Variants in GSK3A observed in about 807,000 individuals in gnomAD.
The protein encoded by GSK3A is glycogen synthase kinase-3 alpha.
Under a neutral mutation model 56.6 loss-of-function variants are expected in GSK3A, and 14 were observed. That is an observed-to-expected ratio of 0.25 (90% CI 0.16 to 0.39). The LOEUF is 0.39. Among genes scored for constraint, GSK3A ranks in the 10% least tolerant of loss-of-function variants. The probability of loss-of-function intolerance (pLI) is 1.00; values close to 1 mark genes in which losing one functional copy is unlikely to be tolerated. For synonymous variants in GSK3A, 301 were observed against 285.0 expected (o/e 1.06, Z -0.56); for missense variants, 450 against 656.0 (o/e 0.69, Z 3.43).
chr19:42,231,893 T>C (rs373328555), intron 10 of GSK3A, among the ~76,000 whole-genome samples, 164 bp downstream of exon 10: 135 of 152,310 alleles, frequency 8.9e-4, no homozygotes, highest in African/African-American at 3.1e-3. Flanking sequence ...TACGCAAGAA[T>C]ACCCTCTAAA....
At chr19:42,231,799 A>G (rs2036225701) in intron 10 of GSK3A, among the ~76,000 whole-genome samples, 1 of 151,452 alleles carries the variant, frequency 6.6e-6, no homozygotes, top group South Asian at 2.1e-4. Flanking sequence ...AAACTTGGGC[A>G]ACGAATTCAA....
chr19:42,235,218 T>C (rs996962329), intron 4 of GSK3A, among the ~76,000 whole-genome samples: 1 of 152,166 alleles, frequency 6.6e-6, no homozygotes, highest in Admixed American at 6.5e-5. Flanking sequence ...TCTCCAGCAC[T>C]GATGCTGGTC....
Position 42,230,768 on chromosome 19 carries a change from A to T in GSK3A, c.*26T>A. 6.6e-7 allele frequency: 1 copy of T among 1,521,724 alleles called. No individual in the cohort carries two copies. The highest frequency in any genetic ancestry group is 8.9e-7 in the Non-Finnish European group (1 of 1,118,942). The allele number at this position is 1,521,724 out of a possible 1,614,324, so 94.3% of individuals were successfully genotyped here. On this transcript the variant is annotated 3_prime_UTR_variant, in exon 11 of 11. Coordinates refer to ENST00000222330, the MANE Select transcript of GSK3A (RefSeq NM_019884.3). ...AGCCCCTCTTGGGGCTCCCAGATGGAAGTGGAAGGGTGCTTGGTGGGGCCC... is the reference window on the plus strand; with the variant it reads ...AGCCCCTCTTGGGGCTCCCAGATGGTAGTGGAAGGGTGCTTGGTGGGGCCC...
chr19:42,231,029 A>G (rs968634078), intron 10 of GSK3A, among the ~76,000 whole-genome samples, 162 bp from the exon 11 acceptor site: 1 of 152,234 alleles, frequency 6.6e-6, no homozygotes, highest in Non-Finnish European at 1.5e-5. Flanking sequence ...GGGCCACGAT[A>G]GTAACTGAGT....
chr19:42,230,668 G>C lies in GSK3A; in HGVS notation c.*126C>G. On this transcript the variant is annotated 3_prime_UTR_variant, in exon 11 of 11. Transcript: ENST00000222330. ...GGGAGGGACTGGAGGTGGGGACAGGGACTCATTTACCTCTGCCCTCTAGTC... is the reference window on the plus strand; with the variant it reads ...GGGAGGGACTGGAGGTGGGGACAGGCACTCATTTACCTCTGCCCTCTAGTC... 1 of 707,188 alleles carries C rather than the reference G, an allele frequency of 1.4e-6. No individual in the cohort carries two copies. Among genetic ancestry groups the C allele is most frequent in the South Asian group, 1.6e-5 (1 of 63,966 alleles). 43.8% of individuals were successfully genotyped at this position (707,188 alleles called of 1,614,324 possible). A position where few individuals can be genotyped will look rare whatever the true frequency, so the allele number is the denominator to read the frequency against.
In GSK3A at chr19:42,230,398, GA is replaced by G. The variant is rs570875500; in HGVS notation, c.*395del. 4.5e-5 allele frequency: 9 copies of G among 201,514 alleles called. No homozygotes were observed. The highest frequency in any genetic ancestry group is 8.2e-5 in the Non-Finnish European group (8 of 98,140). 12.5% of individuals were successfully genotyped at this position (201,514 alleles called of 1,614,324 possible). Reference sequence around the variant, plus strand: ...CGGTGCGAATCGACGTTTTCTTTAAGAAAAAAATTATAACAATCTATTTACA... The same window carrying G: ...CGGTGCGAATCGACGTTTTCTTTAAGAAAAAATTATAACAATCTATTTACA... On this transcript the variant is annotated 3_prime_UTR_variant, in exon 11 of 11. Coordinates refer to ENST00000222330, the MANE Select transcript of GSK3A (RefSeq NM_019884.3).
chr19:42,231,773 CAAA>C (rs771063456), intron 10 of GSK3A, among the ~76,000 whole-genome samples: 5 of 84,464 alleles, frequency 5.9e-5, no homozygotes, highest in Non-Finnish European at 1.0e-4. Flanking sequence ...CTCTATTGCA[CAAA>C]AAAAAAAAAA....
chr19:42,240,944 GC>G (rs2036287593), intron 1 of GSK3A: 1 of 152,000 alleles, frequency 6.6e-6, no homozygotes, highest in African/African-American at 2.4e-5. Context: ...AAACCTTGGT[GC>G]CATTCTTAGA....
At chr19:42,242,130 A>C in intron 1 of GSK3A, 53 bp downstream of exon 1, 3 of 1,282,244 alleles carry the variant, frequency 2.3e-6, no homozygotes, top group Non-Finnish European at 3.0e-6. Context: ...TGGATGTCTG[A>C]GGAGCTTTGG....
chr19:42,232,665 C>A lies in GSK3A; in HGVS notation c.1116G>T (p.Thr372=). The change falls in exon 9 of 11, where the codon ACG becomes ACT. Residue 372 remains threonine (T), a synonymous_variant. Coordinates refer to ENST00000222330, the MANE Select transcript of GSK3A (RefSeq NM_019884.3). The part of the protein sequence containing the change: ...HPWTKVFKSR[T]PPEAIALCSS... ...AGCAGAGCGCGATGGCCTCTGGCGG[C>A]GTTCGAGATTTGAACACCTGAGGGA... 1 of 1,582,472 alleles carries A rather than the reference C, an allele frequency of 6.3e-7. No individual in the cohort carries two copies. The highest frequency in any genetic ancestry group is 8.6e-7 in the Non-Finnish European group (1 of 1,161,320).
Position 42,233,223 on chromosome 19 carries a change from G to A in GSK3A, c.1003-18C>T. 1 of 1,597,024 alleles carries A rather than the reference G, an allele frequency of 6.3e-7. No individual in the cohort carries two copies. Among genetic ancestry groups the A allele is most frequent in the South Asian group, 1.1e-5 (1 of 89,388 alleles). On this transcript the variant is annotated intron_variant, in intron 7 of 10. Coordinates refer to ENST00000222330, the MANE Select transcript of GSK3A (RefSeq NM_019884.3). ...CCCAGCACCTGTAAAGAGAGGGAGG[G>A]GTCTGAGACAAGGGCCCCATCCCTC...
chr19:42,231,367 T>C (rs1441935245), intron 10 of GSK3A, among the ~76,000 whole-genome samples: 1 of 150,618 alleles, frequency 6.6e-6, no homozygotes, highest in Non-Finnish European at 1.5e-5. Flanking sequence ...CTAAAAAATA[T>C]AAAGGGCGCC....
intron 10 of GSK3A, among the ~76,000 whole-genome samples, chr19:42,231,072 G>A (rs553133309): frequency 1.2e-4 from 18 of 152,284 alleles, no homozygotes; most frequent in Admixed American, 2.0e-4. Context: ...CATATAAGGC[G>A]GTGGCTGGGC....
chr19:42,233,281 C>T lies in GSK3A; in HGVS notation c.1002+5G>A. On this transcript the variant is annotated splice_donor_5th_base_variant and intron_variant, in intron 7 of 10. Transcript: ENST00000222330. ...CCCCCTGCCCAGCCCAGCCCCGCCC[C>T]TCACCTTGATGATCTCCACCAGCTG... 6.3e-7 allele frequency: 1 copy of T among 1,576,846 alleles called. No individual in the cohort carries two copies.
At chr19:42,240,420 AG>A in intron 1 of GSK3A, 1 of 581,384 alleles carries the variant, frequency 1.7e-6, no homozygotes, top group Non-Finnish European at 3.1e-6. Context: ...TTCTACTTCT[AG>A]GAAGCAACAG....
rs553432785 is a variant in GSK3A, at chr19:42,232,831, C to T, written c.1099-149G>A. On this transcript the variant is annotated intron_variant, in intron 8 of 10. Transcript: ENST00000222330. ...AAATGAAGAAACTAAGGCCCAACCA[C>T]TAAGGAGAGGTCAGTTTGTATCGGG... 866 of 671,778 alleles carry T rather than the reference C, an allele frequency of 1.3e-3. 1 individual carries two copies. Among genetic ancestry groups the T allele is most frequent in the Non-Finnish European group, 2.0e-3 (800 of 408,624 alleles). The allele number at this position is 671,778 out of a possible 1,614,324, so 41.6% of individuals were successfully genotyped here.
Position 42,242,433 on chromosome 19 carries a change from AG to A in GSK3A, c.32del (p.Pro11LeufsTer81). The A allele has an allele frequency of 7.7e-7, 1 of 1,296,672 alleles. No homozygotes were observed. Among genetic ancestry groups the A allele is most frequent in the Admixed American group, 3.5e-5 (1 of 28,602 alleles). The allele number at this position is 1,296,672 out of a possible 1,614,324, so 80.3% of individuals were successfully genotyped here. MSGGGPSGGG[P>X]GGSGRARTSS... ...TAGTCCGCGCCCTGCCCGAGCCCCC[AG>A]GGCCGCCTCCCGAAGGCCCGCCGCC... On this transcript the variant is annotated frameshift_variant, in exon 1 of 11. Coordinates refer to ENST00000222330, the MANE Select transcript of GSK3A (RefSeq NM_019884.3). LOFTEE classifies it high-confidence loss of function.
At position 42,230,947 on chromosome 19, in the gene GSK3A, C is replaced by T. The variant is rs1341662982; in HGVS notation, c.1379-80G>A. On this transcript the variant is annotated intron_variant, in intron 10 of 10. Coordinates refer to ENST00000222330, the MANE Select transcript of GSK3A (RefSeq NM_019884.3). ...CGCCCAACCCAAAAGTAGGAATTCT[C>T]TTGTCATAGATGCTACATTAAAAGT... 5.5e-6 allele frequency: 5 copies of T among 908,740 alleles called. No individual in the cohort carries two copies. The East Asian group carries it at 1.1e-4, about 19-fold the overall frequency. 56.3% of individuals were successfully genotyped at this position (908,740 alleles called of 1,614,324 possible). A position where few individuals can be genotyped will look rare whatever the true frequency, so the allele number is the denominator to read the frequency against.
intron 6 of GSK3A, among the ~76,000 whole-genome samples, chr19:42,233,601 CCT>C (rs1460494157): frequency 1.3e-5 from 2 of 152,170 alleles, no homozygotes; most frequent in Non-Finnish European, 2.9e-5. Flanking sequence ...GCCCTCAGTT[CCT>C]CTCTCTGCTA....
Sources: gnomAD v4.1 joint callset for allele counts (sites outside exome capture counted in the v4.1 genomes callset) on GRCh38, gnomAD v4.1.1 for gene constraint, MANE v1.5 for transcripts, NCBI Gene and HGNC (gene_info 2026-07-23, HGNC 2026-07-21) for gene names.